FER: variants seen among roughly 807,000 people sequenced by gnomAD.
FER encodes the protein tyrosine-protein kinase Fer.
FER carries 63 observed loss-of-function variants against 111.0 expected under a neutral mutation model. That is an observed-to-expected ratio of 0.57 (90% CI 0.46 to 0.70). The LOEUF is 0.70. Among genes scored for constraint, FER ranks in the 30% least tolerant of loss-of-function variants. FER has a pLI of 0.00. For missense variants in FER, 914 were observed against 954.0 expected (o/e 0.96, Z 0.55); for synonymous variants, 327 against 313.9 (o/e 1.04, Z -0.44).
intron 17 of FER, among the ~76,000 whole-genome samples, chr5:109,172,099 A>G (rs1164468693): frequency 1.3e-5 from 2 of 152,164 alleles, no homozygotes; most frequent in South Asian, 2.1e-4. Context: ...ATCTAGAACT[A>G]GAAATACCAT....
chr5:109,121,553 C>CT (rs1052286648), intron 17 of FER, among the ~76,000 whole-genome samples: 2 of 151,932 alleles, frequency 1.3e-5, no homozygotes, highest in African/African-American at 4.8e-5. Flanking sequence ...CTGTAGTTTT[C>CT]TTTTTTTGAT....
At chr5:108,908,259 C>G (rs929839532) in intron 10 of FER, among the ~76,000 whole-genome samples, 2 of 152,238 alleles carry the variant, frequency 1.3e-5, no homozygotes, top group South Asian at 4.2e-4. Context: ...AAATGCATGG[C>G]TAATTTGCTG....
intron 13 of FER, among the ~76,000 whole-genome samples, chr5:108,972,805 G>A (rs1299572027): frequency 6.6e-6 from 1 of 152,082 alleles, no homozygotes; most frequent in African/African-American, 2.4e-5. Context: ...TTCCAGAGTT[G>A]GGCTTTGTTT....
At chr5:109,123,217 G>T (rs1751234492) in intron 17 of FER, among the ~76,000 whole-genome samples, 1 of 147,262 alleles carries the variant, frequency 6.8e-6, no homozygotes, top group Non-Finnish European at 1.5e-5. Flanking sequence ...GTGCAGTGGT[G>T]CAATCTCGGC....
At chr5:108,828,212 TG>T (rs1017941425) in intron 3 of FER, among the ~76,000 whole-genome samples, 2 of 152,190 alleles carry the variant, frequency 1.3e-5, no homozygotes, top group African/African-American at 4.8e-5. Flanking sequence ...ATTTACTTTT[TG>T]TACTTTGTTA....
intron 10 of FER, among the ~76,000 whole-genome samples, chr5:108,910,436 C>A (rs1221097530): frequency 6.6e-6 from 1 of 152,052 alleles, no homozygotes; most frequent in Admixed American, 6.5e-5. Flanking sequence ...CATAATTTCC[C>A]TATTCTTTGG....
intron 13 of FER, among the ~76,000 whole-genome samples, chr5:108,963,256 A>G (rs562297193): frequency 6.6e-6 from 1 of 152,230 alleles, no homozygotes; most frequent in East Asian, 1.9e-4. Flanking sequence ...GTAAAGCAAA[A>G]ACATTTATGA....
intron 17 of FER, among the ~76,000 whole-genome samples, chr5:109,116,639 T>C (rs1297662718): frequency 6.6e-6 from 1 of 152,128 alleles, no homozygotes; most frequent in East Asian, 1.9e-4. Context: ...ACATGTTGCT[T>C]GTGCTGATGT....
chr5:109,035,015 A>G (rs1354994773), intron 13 of FER, among the ~76,000 whole-genome samples: 2 of 151,346 alleles, frequency 1.3e-5, no homozygotes, highest in African/African-American at 4.8e-5. Flanking sequence ...TAGTTCAATG[A>G]AACACCAAGA....
intron 2 of FER, among the ~76,000 whole-genome samples, chr5:108,779,082 G>A (rs1286774262): frequency 6.6e-6 from 1 of 151,086 alleles, no homozygotes; most frequent in Non-Finnish European, 1.5e-5. Flanking sequence ...TTTCTTGGTT[G>A]TATTGCTTTC....
intron 3 of FER, among the ~76,000 whole-genome samples, chr5:108,807,996 G>GTTT (rs765672336): frequency 7.1e-6 from 1 of 140,342 alleles, no homozygotes; most frequent in Non-Finnish European, 1.6e-5. Context: ...GTATGATTTA[G>GTTT]TTTTTTTTTT....
chr5:109,163,439 T>G (rs1418147936), intron 17 of FER, among the ~76,000 whole-genome samples: 2 of 152,094 alleles, frequency 1.3e-5, no homozygotes. Context: ...AAAAATTACA[T>G]TTAGCTTTAT....
At chr5:108,772,316 G>GTGTGTATATATATATATACACATATA (rs1752987780) in intron 2 of FER, among the ~76,000 whole-genome samples, 1 of 140,350 alleles carries the variant, frequency 7.1e-6, no homozygotes, top group Non-Finnish European at 1.5e-5. Context: ...ATATATATAT[G>GTGTGTATATATATATATACACATATA]TATGTATATA....
chr5:109,038,843 A>C (rs930047030), intron 14 of FER, among the ~76,000 whole-genome samples: 7 of 152,034 alleles, frequency 4.6e-5, no homozygotes, highest in Non-Finnish European at 7.4e-5. Context: ...CTACGAAAAA[A>C]ATATTTTTAG....
At chr5:108,975,451 T>C (rs1761212314) in intron 13 of FER, among the ~76,000 whole-genome samples, 1 of 152,074 alleles carries the variant, frequency 6.6e-6, no homozygotes, top group South Asian at 2.1e-4. Flanking sequence ...AGCTACTAAA[T>C]ATATGACAAT....
intron 9 of FER, among the ~76,000 whole-genome samples, chr5:108,886,237 C>G (rs1412519724): frequency 1.3e-5 from 2 of 151,532 alleles, no homozygotes; most frequent in African/African-American, 4.8e-5. Flanking sequence ...CTCTTTTTAT[C>G]TACATAATGG....
At chr5:108,932,809 A>G (rs1346719699) in intron 10 of FER, among the ~76,000 whole-genome samples, 2 of 149,094 alleles carry the variant, frequency 1.3e-5, no homozygotes, top group East Asian at 2.0e-4. Flanking sequence ...TTTGTTGGCT[A>G]CATAAATGTC....
chr5:109,122,491 G>T (rs1294109655), intron 17 of FER, among the ~76,000 whole-genome samples: 1 of 150,572 alleles, frequency 6.6e-6, no homozygotes, highest in Non-Finnish European at 1.5e-5. Context: ...CTAATTTATG[G>T]TCTGTCCTTG....
At chr5:109,162,116 A>C (rs1756056117) in intron 17 of FER, among the ~76,000 whole-genome samples, 1 of 152,000 alleles carries the variant, frequency 6.6e-6, no homozygotes, top group Non-Finnish European at 1.5e-5. Context: ...TTTCTTGTAA[A>C]TGTTTCTTAG....
Sources: allele counts gnomAD v4.1 joint callset (sites outside exome capture counted in the v4.1 genomes callset), GRCh38; gene constraint gnomAD v4.1.1; transcripts MANE v1.5; gene names NCBI Gene and HGNC (gene_info 2026-07-23, HGNC 2026-07-21).